KBTBD4: variants seen among roughly 807,000 people sequenced by gnomAD.
The protein encoded by KBTBD4 is kelch repeat and BTB domain containing 4, also known as kelch repeat and BTB domain-containing protein 4.
In KBTBD4, 30 loss-of-function variants were observed where a neutral mutation model predicts 43.9. The observed-to-expected ratio is 0.68, with a 90% confidence interval of 0.51 to 0.93. The LOEUF (loss-of-function observed/expected upper bound fraction) is 0.93. Ranked by LOEUF, KBTBD4 falls within the 40% of genes least tolerant of loss-of-function variation. The probability of loss-of-function intolerance (pLI) is 0.00; values close to 1 mark genes in which losing one functional copy is unlikely to be tolerated. For synonymous variants in KBTBD4, 258 were observed against 256.9 expected, an observed-to-expected ratio of 1.00 and a Z score of -0.04; for missense variants, 575 against 668.8, an observed-to-expected ratio of 0.86 and a Z score of 1.55.
intron 1 of KBTBD4, 170 bp from the exon 2 acceptor site, chr11:47,578,198 C>A: frequency 2.9e-6 from 2 of 680,578 alleles, no homozygotes; most frequent in Non-Finnish European, 4.9e-6. Flanking sequence ...TTAACCAAAT[C>A]TGGGTTCGTT....
intron 3 of KBTBD4, among the ~76,000 whole-genome samples, chr11:47,574,536 C>G (rs993948615): frequency 6.6e-6 from 1 of 151,930 alleles, no homozygotes; most frequent in African/African-American, 2.4e-5. Context: ...ACAGAGACGA[C>G]CATTCATAAT....
chr11:47,578,412 G>A (rs1198667401), intron 1 of KBTBD4: 4 of 567,618 alleles, frequency 7.0e-6, no homozygotes, highest in Admixed American at 7.1e-5. Context: ...AACTAGTGAA[G>A]CTCAGGGGCA....
intron 2 of KBTBD4, among the ~76,000 whole-genome samples, chr11:47,576,259 CG>C: frequency 6.8e-6 from 1 of 146,868 alleles, no homozygotes; most frequent in South Asian, 2.2e-4. Context: ...CTCCACCTCC[CG>C]GGTTCACGCC....
At chr11:47,578,221 G>A (rs1235772317) in intron 1 of KBTBD4, 193 bp from the exon 2 acceptor site, 1 of 604,276 alleles carries the variant, frequency 1.7e-6, no homozygotes, top group East Asian at 2.8e-5. Context: ...CCCCAGTGGC[G>A]CCCCTCCGCT....
At position 47,577,616 on chromosome 11, in the gene KBTBD4, T is replaced by C. The variant is rs2097262411; in HGVS notation, c.432A>G (p.Thr144=). 1.2e-6 allele frequency: 2 copies of C among 1,614,136 alleles called. No homozygotes were observed. Among genetic ancestry groups the C allele is most frequent in the Non-Finnish European group, 1.7e-6 (2 of 1,180,028 alleles). The part of the protein sequence containing the change: ...IYEVSDMYQL[T]SLFEECSRFL... ...ACCGAGAGCATTCCTCAAAGAGAGA[T>C]GTCAGCTGATACATGTCTGACACCT... Residue 144 remains threonine, a synonymous_variant, in exon 2 of 4, where the codon ACA becomes ACG. Coordinates refer to ENST00000430070, the MANE Select transcript of KBTBD4 (RefSeq NM_018095.6).
rs778273465 is a variant in KBTBD4, at chr11:47,573,697, A to G, written c.838T>C (p.Ser280Pro). 6.2e-7 allele frequency: 1 copy of G among 1,609,518 alleles called. No homozygotes were observed. Among genetic ancestry groups the G allele is most frequent in the Admixed American group, 1.7e-5 (1 of 60,020 alleles). The change falls in exon 4 of 4, where the codon TCC (serine) becomes CCC (proline). Residue 280 changes from serine (S) to proline (P), a missense_variant. Ser to Pro is a moderately conservative substitution (Grantham distance 74). Transcript: ENST00000430070. This position sits in a 1 kb window ranked among gnomAD's most constrained non-coding sequence, Gnocchi z 4.1. ...CTGTTTTGGCCACTTACACTGATGG[A>G]GTCATCTTCTGCACAGTGCAAGGAC... ...AVSLHCAEDD[S>P]ISVSGQNSLC...
rs1403339576 is a variant in KBTBD4 at position 47,572,853 on chromosome 11, G to C, written c.*77C>G. The C allele has an allele frequency of 6.7e-7, 1 of 1,483,470 alleles. No homozygotes were observed. The highest frequency in any genetic ancestry group is 9.1e-7 in the Non-Finnish European group (1 of 1,095,944). 91.9% of individuals were successfully genotyped at this position (1,483,470 alleles called of 1,614,324 possible). A position where few individuals can be genotyped will look rare whatever the true frequency, so the allele number is the denominator to read the frequency against. On this transcript the variant is annotated 3_prime_UTR_variant, in exon 4 of 4. Coordinates refer to ENST00000430070, the MANE Select transcript of KBTBD4 (RefSeq NM_018095.6). Reference sequence around the variant, plus strand: ...TATGTGCCAAAAAAAACATAACTCTGAATTGGGGCCCAGGGGACTTTGAGT... The same window carrying C: ...TATGTGCCAAAAAAAACATAACTCTCAATTGGGGCCCAGGGGACTTTGAGT...
At position 47,573,859 on chromosome 11, in the gene KBTBD4, C is replaced by T. The variant is rs2097254501; in HGVS notation, c.745-69G>A. On this transcript the variant is annotated intron_variant, in intron 3 of 3. Transcript: ENST00000430070. The surrounding 1 kb of genome is among the most constrained non-coding windows in gnomAD (Gnocchi z 4.1). ...GCTAAGGCTCAGCTAAGACACATAT[C>T]CTTAAGATCCTGGCCCTCACACTTG... 7.3e-7 allele frequency: 1 copy of T among 1,371,350 alleles called. No individual in the cohort carries two copies. Among genetic ancestry groups the T allele is most frequent in the Admixed American group, 2.0e-5 (1 of 49,468 alleles). 84.9% of individuals were successfully genotyped at this position (1,371,350 alleles called of 1,614,324 possible).
chr11:47,573,161 C>T lies in KBTBD4; in HGVS notation c.1374G>A (p.Val458=). The T allele has an allele frequency of 6.2e-7, 1 of 1,614,206 alleles. No homozygotes were observed. The highest frequency in any genetic ancestry group is 8.5e-7 in the Non-Finnish European group (1 of 1,180,038). Residue 458 remains valine, a synonymous_variant, in exon 4 of 4, where the codon GTG becomes GTA. Transcript: ENST00000430070. This position sits in a 1 kb window ranked among gnomAD's most constrained non-coding sequence, Gnocchi z 4.1. ...VFIVAEGDSL[V]CYNPLLDSFT... is the part of the protein sequence containing the mutation. Reference sequence around the variant, plus strand: ...AGCTGTCTAGCAAGGGATTGTAGCACACCAGGGAGTCCCCTTCAGCCACGA... The same window carrying T: ...AGCTGTCTAGCAAGGGATTGTAGCATACCAGGGAGTCCCCTTCAGCCACGA...
rs1372182176 is a variant in KBTBD4, at chr11:47,578,935, G to A, written c.17C>T (p.Ala6Val). 1 of 1,551,754 alleles carries A rather than the reference G, an allele frequency of 6.4e-7. No homozygotes were observed. The highest frequency in any genetic ancestry group is 8.7e-7 in the Non-Finnish European group (1 of 1,147,028). ...ACCTGCCTGTCTCGCTTTCTCACCTGCGTTCCCTCCTTTCATCCCGGAGCC... is the reference window on the plus strand; with the variant it reads ...ACCTGCCTGTCTCGCTTTCTCACCTACGTTCCCTCCTTTCATCCCGGAGCC... MKGGN[A>V]DSWQREKLAS... The change falls in exon 1 of 4, where the codon GCA (alanine) becomes GTA (valine). Residue 6 changes from alanine to valine, a missense_variant and splice_region_variant. Coordinates refer to ENST00000430070, the MANE Select transcript of KBTBD4 (RefSeq NM_018095.6).
At chr11:47,575,060 CA>C (rs1295622855) in intron 3 of KBTBD4, among the ~76,000 whole-genome samples, 1 of 151,684 alleles carries the variant, frequency 6.6e-6, no homozygotes, top group African/African-American at 2.4e-5. Flanking sequence ...ACTAAAAATA[CA>C]AAAATTAGGC....
chr11:47,577,691 G>C lies in KBTBD4; in HGVS notation c.357C>G (p.Ile119Met). 4 of 1,614,186 alleles carry C rather than the reference G, an allele frequency of 2.5e-6. No homozygotes were observed. Among genetic ancestry groups the C allele is most frequent in the Non-Finnish European group, 3.4e-6 (4 of 1,180,030 alleles). ...CTCGAAGTTTCACAGTCCCATGGTAGATATAATCAACCAGGAGCTGGAAAA... is the reference window on the plus strand; with the variant it reads ...CTCGAAGTTTCACAGTCCCATGGTACATATAATCAACCAGGAGCTGGAAAA... Reference protein sequence around the residue: ...ESVFQLLVDYIYHGTVKLRAE... With the variant: ...ESVFQLLVDYMYHGTVKLRAE... The change falls in exon 2 of 4, where the codon ATC becomes ATG. Residue 119 changes from isoleucine (I) to methionine (M), a missense_variant. By Grantham distance (10) the Ile-to-Met change is conservative (BLOSUM62 1). Transcript: ENST00000430070.
intron 1 of KBTBD4, 175 bp from the exon 2 acceptor site, chr11:47,578,203 T>C (rs772520023): frequency 2.0e-5 from 13 of 656,368 alleles, no homozygotes; most frequent in Non-Finnish European, 2.6e-5. Flanking sequence ...CAAATCTGGG[T>C]TCGTTATCCC....
chr11:47,577,817 C>G lies in KBTBD4; in HGVS notation c.231G>C (p.Leu77=), dbSNP rs758553150. Residue 77 remains leucine, a synonymous_variant, in exon 2 of 4, where the codon CTG becomes CTC. Coordinates refer to ENST00000430070, the MANE Select transcript of KBTBD4 (RefSeq NM_018095.6). ...AGAAGCAGCTCTGAGCTGAGAGGAC[C>G]AGCCGATGGAGCTGAAACTCCCGGC... is the stretch of plus-strand genomic sequence containing the variant. The part of the protein sequence containing the change: ...VEGREFQLHR[L]VLSAQSCFFR... 10 of 1,614,162 alleles carry G rather than the reference C, an allele frequency of 6.2e-6. No individual in the cohort carries two copies. In the East Asian group the frequency reaches 1.3e-4, roughly 22 times the overall value.
In KBTBD4 at chr11:47,578,128, A is replaced by C. The variant is rs996895579; in HGVS notation, c.20-100T>G. ...GGAGGGAAAAGGAAGAAGTGAGAGC[A>C]AAGTGGGTCCAGATTGGCCTTAGTC... On this transcript the variant is annotated intron_variant, in intron 1 of 3. Coordinates refer to ENST00000430070, the MANE Select transcript of KBTBD4 (RefSeq NM_018095.6). 2.2e-5 allele frequency: 31 copies of C among 1,385,438 alleles called. No individual in the cohort carries two copies. In the Admixed American group the frequency reaches 5.4e-4, roughly 24 times the overall value. 85.8% of individuals were successfully genotyped at this position (1,385,438 alleles called of 1,614,324 possible).
In KBTBD4 at chr11:47,573,327, T is replaced by C; in HGVS notation, c.1208A>G (p.Glu403Gly). The change falls in exon 4 of 4, where the codon GAG becomes GGG. Residue 403 changes from glutamate (E) to glycine (G), a missense_variant. Coordinates refer to ENST00000430070, the MANE Select transcript of KBTBD4 (RefSeq NM_018095.6). The surrounding 1 kb of genome is among the most constrained non-coding windows in gnomAD (Gnocchi z 4.1). ...NGIIYLLGGEENDLDFFTKPS... is the reference protein window; with the variant it reads ...NGIIYLLGGEGNDLDFFTKPS... ...TTTGGTAAAGAAGTCCAGATCATTC[T>C]CCTCCCCCCCTAGTAAGTAGATGAT... 1 of 1,614,098 alleles carries C rather than the reference T, an allele frequency of 6.2e-7. No individual in the cohort carries two copies. The highest frequency in any genetic ancestry group is 8.5e-7 in the Non-Finnish European group (1 of 1,180,034).
intron 2 of KBTBD4, chr11:47,576,631 TCCCATCTGC>T (rs1232014379): frequency 1.3e-5 from 2 of 151,656 alleles, no homozygotes; most frequent in Non-Finnish European, 2.9e-5. Flanking sequence ...CTCGATATTT[TCCCATCTGC>T]CATGGAAGCA....
In KBTBD4 at chr11:47,577,988, T is replaced by C. The variant is rs60620413; in HGVS notation, c.60A>G (p.Pro20=). 7.4e-5 allele frequency: 119 copies of C among 1,614,242 alleles called. 1 individual carries two copies. In the African/African-American group the frequency reaches 1.3e-3, roughly 17 times the overall value. Residue 20 remains proline (P), a synonymous_variant, in exon 2 of 4, where the codon CCA becomes CCG. Coordinates refer to ENST00000430070, the MANE Select transcript of KBTBD4 (RefSeq NM_018095.6). ...QREKLASMES[P]EEPGASMDEN... is the part of the protein sequence containing the mutation. The stretch of plus-strand genomic sequence containing the variant: ...CATCCATGGATGCTCCAGGCTCCTC[T>C]GGTGATTCCATGCTAGCCAACTTCT...
In KBTBD4 at chr11:47,573,501, T is replaced by C; in HGVS notation, c.1034A>G (p.Lys345Arg). ...GCCACCCAGTGAATATATGGCATCT[T>C]TCCCGGGCACAGACACCAGGGTGTG... ...LQHTLVSVPG[K>R]DAIYSLGGKT... is the part of the protein sequence containing the mutation. The change falls in exon 4 of 4, where the codon AAA (lysine) becomes AGA (arginine). Residue 345 changes from lysine to arginine, a missense_variant. Transcript: ENST00000430070. This position sits in a 1 kb window ranked among gnomAD's most constrained non-coding sequence, Gnocchi z 4.1. The C allele has an allele frequency of 6.2e-7, 1 of 1,614,196 alleles. No homozygotes were observed. The highest frequency in any genetic ancestry group is 2.2e-5 in the East Asian group (1 of 44,882).
Sources: gnomAD v4.1 joint callset for allele counts (sites outside exome capture counted in the v4.1 genomes callset) on GRCh38, gnomAD v4.1.1 for gene constraint, Gnocchi (gnomAD v3.1) non-coding constraint, MANE v1.5 for transcripts, NCBI Gene and HGNC (gene_info 2026-07-23, HGNC 2026-07-21) for gene names.